Variants in FRMPD4 observed in about 807,000 individuals in gnomAD.
FRMPD4 encodes FERM and PDZ domain-containing protein 4.
FRMPD4 carries 22 observed loss-of-function variants against 94.1 expected under a neutral mutation model. That is an observed-to-expected ratio of 0.23 (90% CI 0.17 to 0.33). FRMPD4 has a LOEUF of 0.33. FRMPD4 is among the 10% of genes least tolerant of loss of function. The pLI is 1.00. For synonymous variants in FRMPD4, 631 were observed against 548.6 expected, an observed-to-expected ratio of 1.15 and a Z score of -2.10; for missense variants, 1,111 against 1,339.9, an observed-to-expected ratio of 0.83 and a Z score of 2.67.
chrX:12,255,694 T>C (rs1355122823), intron 1 of FRMPD4, among the ~76,000 whole-genome samples: 1 of 112,102 alleles, frequency 8.9e-6, no homozygotes, highest in East Asian at 2.8e-4. Context: ...ATTATCATTC[T>C]CCAGTGTAAT....
chrX:12,266,501 G>A (rs1176059948), intron 1 of FRMPD4, among the ~76,000 whole-genome samples: 2 of 111,605 alleles, frequency 1.8e-5, no homozygotes, highest in Non-Finnish European at 3.8e-5. Context: ...GCCCCTTGAA[G>A]TCTGGGCTTG....
intron 2 of FRMPD4, among the ~76,000 whole-genome samples, chrX:12,561,896 A>T (rs754572948): frequency 1.8e-5 from 2 of 112,470 alleles, no homozygotes; most frequent in South Asian, 7.4e-4. Context: ...TGACAATTAG[A>T]TGTTAGGCAG....
chrX:12,059,142 A>G (rs986521487), intron 3 of FRMPD4, among the ~76,000 whole-genome samples: 2 of 111,884 alleles, frequency 1.8e-5, no homozygotes, highest in Non-Finnish European at 3.8e-5. Flanking sequence ...TGTGCTTAAG[A>G]AGAACGTACA....
chrX:11,891,885 C>G (rs1408813047), intron 3 of FRMPD4, among the ~76,000 whole-genome samples: 2 of 112,152 alleles, frequency 1.8e-5, no homozygotes, highest in African/African-American at 3.2e-5. Flanking sequence ...ATTATATCCC[C>G]AGCTCCAAGA....
chrX:12,225,932 G>A (rs757383255), intron 1 of FRMPD4, among the ~76,000 whole-genome samples: 1 of 111,885 alleles, frequency 8.9e-6, no homozygotes, highest in South Asian at 3.8e-4. Flanking sequence ...AACATGTAGG[G>A]TGGAGGTATA....
intron 14 of FRMPD4, 68 bp from the exon 15 acceptor site, chrX:12,716,001 T>TGGGGGCCCCCC: frequency 4.3e-6 from 1 of 231,656 alleles, no homozygotes; most frequent in Non-Finnish European, 8.2e-6. Flanking sequence ...GAGACGAGCC[T>TGGGGGCCCCCC]CCCACCCCCG....
chrX:11,969,066 C>T (rs1438398445), intron 3 of FRMPD4, among the ~76,000 whole-genome samples: 1 of 112,345 alleles, frequency 8.9e-6, no homozygotes, highest in Non-Finnish European at 1.9e-5. Flanking sequence ...AAGCCAAATC[C>T]CGGGCAGGCC....
At chrX:11,922,755 G>A (rs1245632391) in intron 3 of FRMPD4, among the ~76,000 whole-genome samples, 5 of 112,638 alleles carry the variant, frequency 4.4e-5, no homozygotes, top group African/African-American at 6.4e-5. Context: ...CAGAGGGTTC[G>A]GTGTGGGAGC....
At chrX:12,143,624 G>A (rs888762814) in intron 1 of FRMPD4, among the ~76,000 whole-genome samples, 3 of 111,088 alleles carry the variant, frequency 2.7e-5, no homozygotes, top group African/African-American at 9.8e-5. Context: ...ATGTCAAATC[G>A]AGCATATTAT....
At position 12,721,942 on chromosome X, in the gene FRMPD4, C is replaced by T. The variant is rs998206064; in HGVS notation, c.*84C>T. The T allele has an allele frequency of 1.4e-5, 5 of 348,299 alleles. No homozygotes were observed. Among genetic ancestry groups the T allele is most frequent in the Middle Eastern group, 6.9e-4 (1 of 1,444 alleles). 28.7% of individuals were successfully genotyped at this position (348,299 alleles called of 1,213,427 possible). A position where few individuals can be genotyped will look rare whatever the true frequency, so the allele number is the denominator to read the frequency against. ...TTGTGTGTATGATGAACAGATGTCTCCTTTCTTCTCTCTGTATATTTTGTT... is the reference window on the plus strand; with the variant it reads ...TTGTGTGTATGATGAACAGATGTCTTCTTTCTTCTCTCTGTATATTTTGTT... On this transcript the variant is annotated 3_prime_UTR_variant, in exon 17 of 17. Coordinates refer to ENST00000675598, the MANE Select transcript of FRMPD4 (RefSeq NM_001368397.1).
intron 3 of FRMPD4, among the ~76,000 whole-genome samples, chrX:12,041,633 A>G (rs2054756452): frequency 9.1e-6 from 1 of 109,344 alleles, no homozygotes. Flanking sequence ...ATACATGTAG[A>G]TCTCTGTGTT....
intron 3 of FRMPD4, among the ~76,000 whole-genome samples, chrX:12,095,688 C>A (rs1224215712): frequency 8.9e-6 from 1 of 111,871 alleles, no homozygotes; most frequent in Non-Finnish European, 1.9e-5. Context: ...AGCCACCTCC[C>A]CTGTTGTCCA....
chrX:12,331,791 T>G (rs1166419684), intron 1 of FRMPD4, among the ~76,000 whole-genome samples: 1 of 55,580 alleles, frequency 1.8e-5, no homozygotes, highest in African/African-American at 1.0e-4. Context: ...ATTTATATAC[T>G]GTATATAAAT....
chrX:12,491,118 C>G (rs1268371283), intron 1 of FRMPD4, among the ~76,000 whole-genome samples: 2 of 111,168 alleles, frequency 1.8e-5, no homozygotes, highest in Non-Finnish European at 3.8e-5. Flanking sequence ...TACTTCCTCT[C>G]TACAATTTCT....
chrX:12,040,689 G>A (rs774831554), intron 3 of FRMPD4, among the ~76,000 whole-genome samples: 16 of 104,687 alleles, frequency 1.5e-4, no homozygotes, highest in East Asian at 3.0e-4. Context: ...CACCATGCCC[G>A]GTGGGGTTTT....
At chrX:12,021,814 C>G (rs953470728) in intron 3 of FRMPD4, among the ~76,000 whole-genome samples, 1 of 111,877 alleles carries the variant, frequency 8.9e-6, no homozygotes, top group African/African-American at 3.2e-5. Flanking sequence ...CATTTTGGAG[C>G]CTTAAGTCTT....
At chrX:12,612,581 C>T (rs112487729) in intron 3 of FRMPD4, among the ~76,000 whole-genome samples, 18 of 112,392 alleles carry the variant, frequency 1.6e-4, no homozygotes, top group African/African-American at 5.5e-4. Flanking sequence ...GACAGTGTGT[C>T]TCTTCTCCAG....
Position 12,642,373 on chromosome X carries a change from T to C in FRMPD4, c.422+27492T>C, listed in dbSNP as rs148202283. Among the ~76,000 whole-genome samples the C allele has an allele frequency of 3.7e-3, 413 of 111,726 alleles. 3 individuals carry two copies. The highest frequency in any genetic ancestry group is 0.012 in the African/African-American group (382 of 30,739). ...GACATTTAGGTTGAGACCCGGACGA[T>C]GGGAAAAGCTAACCAGGCAAAGAGC... On this transcript the variant is annotated intron_variant, in intron 4 of 16. Coordinates refer to ENST00000675598, the MANE Select transcript of FRMPD4 (RefSeq NM_001368397.1).
chrX:12,120,388 A>G (rs961215881), intron 3 of FRMPD4, among the ~76,000 whole-genome samples: 6 of 112,093 alleles, frequency 5.4e-5, no homozygotes, highest in African/African-American at 1.9e-4. Context: ...CTCTGCTAGG[A>G]TGCATAGAAA....
Sources: gnomAD v4.1 joint callset for allele counts (sites outside exome capture counted in the v4.1 genomes callset) on GRCh38, gnomAD v4.1.1 for gene constraint, MANE v1.5 for transcripts, NCBI Gene and HGNC (gene_info 2026-07-23, HGNC 2026-07-21) for gene names.